Variants in IPO11 observed in about 807,000 individuals in gnomAD.
IPO11 encodes importin 11.
A neutral mutation model predicts 143.2 loss-of-function variants in IPO11; 66 were observed. That is an observed-to-expected ratio of 0.46 (90% CI 0.38 to 0.57). IPO11 has a LOEUF of 0.57. Ranked by LOEUF, IPO11 falls within the 20% of genes least tolerant of loss-of-function variation. IPO11 has a pLI of 0.00. For missense variants in IPO11, 1,026 were observed against 1,141.0 expected, an observed-to-expected ratio of 0.90 and a Z score of 1.45; for synonymous variants, 385 against 377.8, an observed-to-expected ratio of 1.02 and a Z score of -0.22.
intron 29 of IPO11, among the ~76,000 whole-genome samples, chr5:62,620,851 T>G (rs1746333736): frequency 6.6e-6 from 1 of 152,228 alleles, no homozygotes; most frequent in Non-Finnish European, 1.5e-5. Context: ...TCAGGTTAAA[T>G]TTTAAGAGTG....
At chr5:62,586,554 C>T (rs1344800126) in intron 27 of IPO11, among the ~76,000 whole-genome samples, 1 of 151,522 alleles carries the variant, frequency 6.6e-6, no homozygotes, top group African/African-American at 2.4e-5. Flanking sequence ...GAGTTCGAGA[C>T]CAGCCTGACG....
At chr5:62,513,287 ACGGGGCGG>A (rs1741845587) in intron 19 of IPO11, among the ~76,000 whole-genome samples, 1 of 113,644 alleles carries the variant, frequency 8.8e-6, no homozygotes, top group African/African-American at 4.9e-5. Context: ...TCCCTCCCGG[ACGGGGCGG>A]CTGGCTGGGC....
chr5:62,415,563 G>A (rs1743264102), intron 1 of IPO11, among the ~76,000 whole-genome samples: 1 of 151,252 alleles, frequency 6.6e-6, no homozygotes, highest in Non-Finnish European at 1.5e-5. Context: ...CCGCCTCCTG[G>A]GTTCAAGTGA....
At chr5:62,471,323 A>G (rs1016581890) in intron 7 of IPO11, among the ~76,000 whole-genome samples, 2 of 149,130 alleles carry the variant, frequency 1.3e-5, no homozygotes, top group Non-Finnish European at 3.0e-5. Context: ...GACCAGAGCC[A>G]TTAAAAAAAA....
At chr5:62,511,877 T>C (rs1370664846) in intron 19 of IPO11, among the ~76,000 whole-genome samples, 1 of 152,032 alleles carries the variant, frequency 6.6e-6, no homozygotes, top group Non-Finnish European at 1.5e-5. Context: ...CAAGTCACCA[T>C]ACATACAACA....
chr5:62,494,288 A>C (rs1023313129), intron 16 of IPO11, among the ~76,000 whole-genome samples, 164 bp downstream of exon 16: 2 of 152,020 alleles, frequency 1.3e-5, no homozygotes, highest in African/African-American at 4.8e-5. Flanking sequence ...AAATCTTTTG[A>C]TTCTTGTTTG....
intron 2 of IPO11, 137 bp from the exon 3 acceptor site, chr5:62,442,846 G>A: frequency 5.2e-6 from 2 of 387,866 alleles, no homozygotes; most frequent in Non-Finnish European, 8.8e-6. Flanking sequence ...CCTGGGCGAC[G>A]AGAGTGAAAC....
intron 16 of IPO11, among the ~76,000 whole-genome samples, chr5:62,503,247 T>A (rs1381256837): frequency 6.6e-6 from 1 of 151,732 alleles, no homozygotes. Flanking sequence ...GTGTAGTCCA[T>A]GTCCTCAAGG....
At chr5:62,567,457 G>A (rs546498286) in intron 27 of IPO11, among the ~76,000 whole-genome samples, 1 of 136,788 alleles carries the variant, frequency 7.3e-6, no homozygotes, top group African/African-American at 2.8e-5. Flanking sequence ...TCTTTCTCTG[G>A]ATTTGGAAAA....
intron 20 of IPO11, among the ~76,000 whole-genome samples, chr5:62,518,358 C>T (rs190391282): frequency 6.1e-4 from 93 of 151,948 alleles, no homozygotes; most frequent in Admixed American, 7.9e-4. Context: ...GCAGGAGAAT[C>T]GCTTGAACCT....
At position 62,616,327 on chromosome 5, in the gene IPO11, A is replaced by G. The variant is rs2112473714; in HGVS notation, c.2764-10827A>G. Reference sequence around the variant, plus strand: ...AGCTTTCTTAGATGTGGCTAAGCACAATCTCAAATCTTTTCTTGCCAAAAG... The same window carrying G: ...AGCTTTCTTAGATGTGGCTAAGCACGATCTCAAATCTTTTCTTGCCAAAAG... On this transcript the variant is annotated intron_variant, in intron 29 of 29. Coordinates refer to ENST00000325324, the MANE Select transcript of IPO11 (RefSeq NM_016338.5). 2.0e-5 allele frequency among the ~76,000 whole-genome samples: 3 copies of G among 152,326 alleles called. 1 individual carries two copies. The highest frequency in any genetic ancestry group is 2.0e-4 in the Admixed American group (3 of 15,300).
At position 62,489,464 on chromosome 5, in the gene IPO11, A is replaced by C. The variant is rs761455008; in HGVS notation, c.1357+115A>C. ...GATACAAGAGTAACTAAAATACAGG[A>C]ACAATCTGATTGGGGAGATAACCAA... is the stretch of plus-strand genomic sequence containing the variant. On this transcript the variant is annotated intron_variant, in intron 14 of 29. Transcript: ENST00000325324. 8.6e-5 allele frequency: 54 copies of C among 626,002 alleles called. 1 individual carries two copies. The highest frequency in any genetic ancestry group is 1.4e-4 in the Non-Finnish European group (51 of 371,062). The allele number at this position is 626,002 out of a possible 1,614,324, so 38.8% of individuals were successfully genotyped here.
chr5:62,418,731 T>C (rs1392631184), intron 1 of IPO11, among the ~76,000 whole-genome samples: 1 of 152,194 alleles, frequency 6.6e-6, no homozygotes, highest in Non-Finnish European at 1.5e-5. Context: ...GGGAACAAAT[T>C]GTACAAGGGA....
intron 27 of IPO11, among the ~76,000 whole-genome samples, chr5:62,584,471 G>A (rs1349012576): frequency 6.6e-6 from 1 of 151,844 alleles, no homozygotes. Context: ...AATAAATCTG[G>A]GTGTGGTGGC....
At chr5:62,456,767 A>G (rs569868239) in intron 5 of IPO11, among the ~76,000 whole-genome samples, 81 of 152,204 alleles carry the variant, frequency 5.3e-4, no homozygotes, top group Non-Finnish European at 8.8e-4. Flanking sequence ...TTCATGTGGA[A>G]GAACGCAACC....
intron 22 of IPO11, among the ~76,000 whole-genome samples, chr5:62,533,734 G>A (rs1316296387): frequency 1.3e-5 from 2 of 152,080 alleles, no homozygotes; most frequent in African/African-American, 4.8e-5. Context: ...CTGTAATCAG[G>A]TAGATTGCTT....
At chr5:62,470,384 AT>A in intron 7 of IPO11, 76 bp downstream of exon 7, 1 of 1,261,492 alleles carries the variant, frequency 7.9e-7, no homozygotes, top group Non-Finnish European at 1.2e-6. Context: ...TGCTCTTTTT[AT>A]TTGGCATTCA....
rs757106213 is a variant in IPO11, at chr5:62,474,403, T to A, written c.709-13T>A. 5 of 1,450,350 alleles carry A rather than the reference T, an allele frequency of 3.4e-6. No homozygotes were observed. Among genetic ancestry groups the A allele is most frequent in the South Asian group, 2.5e-5 (2 of 79,066 alleles). 89.8% of individuals were successfully genotyped at this position (1,450,350 alleles called of 1,614,324 possible). On this transcript the variant is annotated splice_polypyrimidine_tract_variant and intron_variant, in intron 7 of 29. Transcript: ENST00000325324. Reference sequence around the variant, plus strand: ...CAATAAATTGAGATATTTAAAATAATATTCTTTTCTAGGGTTTTTTACATG... The same window carrying A: ...CAATAAATTGAGATATTTAAAATAAAATTCTTTTCTAGGGTTTTTTACATG...
intron 22 of IPO11, 45 bp downstream of exon 22, chr5:62,530,830 A>G (rs1340272896): frequency 1.4e-6 from 2 of 1,435,324 alleles, no homozygotes; most frequent in Non-Finnish European, 9.8e-7. Flanking sequence ...GAATGCAACC[A>G]TAATTGGGAG....
Sources: allele counts gnomAD v4.1 joint callset (sites outside exome capture counted in the v4.1 genomes callset), GRCh38; gene constraint gnomAD v4.1.1; transcripts MANE v1.5; gene names NCBI Gene and HGNC (gene_info 2026-07-23, HGNC 2026-07-21).